Variants in EXD3 observed in about 807,000 individuals in gnomAD.
EXD3 encodes the protein exonuclease mut-7 homolog.
A neutral mutation model predicts 98.0 loss-of-function variants in EXD3; 92 were observed. The ratio of observed to expected loss-of-function variants is 0.94; its 90% CI spans 0.79 to 1.12. The LOEUF is 1.12. Among genes scored for constraint, EXD3 ranks in the 50% most tolerant of loss-of-function variants. EXD3 has a pLI of 0.00. For missense variants in EXD3, 1,222 were observed against 1,191.6 expected, an observed-to-expected ratio of 1.03 and a Z score of -0.38; for synonymous variants, 569 against 526.0, an observed-to-expected ratio of 1.08 and a Z score of -1.12.
intron 20 of EXD3, among the ~76,000 whole-genome samples, chr9:137,308,611 C>T (rs1831183121): frequency 6.6e-6 from 1 of 151,824 alleles, no homozygotes; most frequent in African/African-American, 2.4e-5. Flanking sequence ...TCCCCGTCCT[C>T]CCACCCTGAA....
chr9:137,382,730 G>C (rs758924854), intron 3 of EXD3, among the ~76,000 whole-genome samples: 1 of 151,976 alleles, frequency 6.6e-6, no homozygotes, highest in East Asian at 1.9e-4. Flanking sequence ...GTTGGAGGGC[G>C]TCCCCCGGAC....
rs1402801366 is a variant in EXD3, at chr9:137,403,389, C to T, written c.-47-7985G>A. Among the ~76,000 whole-genome samples, 2 of 152,030 alleles carry T rather than the reference C, an allele frequency of 1.3e-5. No individual in the cohort carries two copies. The highest frequency in any genetic ancestry group is 2.4e-5 in the African/African-American group (1 of 41,396). On this transcript the variant is annotated intron_variant, in intron 1 of 21. Coordinates refer to ENST00000340951, the MANE Select transcript of EXD3 (RefSeq NM_017820.5). The surrounding 1 kb of genome is among the most constrained non-coding windows in gnomAD (Gnocchi z 6.1). Reference sequence around the variant, plus strand: ...GGGGGCACAGGCAGGGAGCTGCAGACCCCGTTCCTCTGTAGCCCTCCCCAC... The same window carrying T: ...GGGGGCACAGGCAGGGAGCTGCAGATCCCGTTCCTCTGTAGCCCTCCCCAC...
intron 17 of EXD3, among the ~76,000 whole-genome samples, chr9:137,329,608 C>T (rs867155369): frequency 0.014 from 29 of 2,134 alleles, no homozygotes; most frequent in Admixed American, 0.027. Flanking sequence ...TACACGGGGT[C>T]ACACGGGACT....
At chr9:137,330,147 C>T (rs865871609) in intron 17 of EXD3, among the ~76,000 whole-genome samples, 2 of 96,308 alleles carry the variant, frequency 2.1e-5, no homozygotes, top group African/African-American at 4.4e-5. Flanking sequence ...GGAACTACAC[C>T]GGAGCTACAC....
intron 7 of EXD3, among the ~76,000 whole-genome samples, chr9:137,359,402 G>A (rs149775292): frequency 0.024 from 1,976 of 83,584 alleles, 586 homozygotes; most frequent in African/African-American, 0.062. Flanking sequence ...GCCAGGTGCG[G>A]TGGCTCACGC....
chr9:137,369,150 G>A (rs1374071505), intron 5 of EXD3, among the ~76,000 whole-genome samples: 5 of 148,282 alleles, frequency 3.4e-5, no homozygotes, highest in African/African-American at 7.5e-5. Context: ...GGGCCGGGGC[G>A]GGGCCTCAGG....
In EXD3 at chr9:137,407,805, CGGCTGGACCCAA is replaced by C. The variant is rs1159140823; in HGVS notation, c.-47-12413_-47-12402del. ...CAGGCATTCGAGGTCTTGGATGCGC[CGGCTGGACCCAA>C]GGACACACGCGGGAGGCGGGAGGCG... On this transcript the variant is annotated intron_variant, in intron 1 of 21. Coordinates refer to ENST00000340951, the MANE Select transcript of EXD3 (RefSeq NM_017820.5). This position sits in a 1 kb window ranked among gnomAD's most constrained non-coding sequence, Gnocchi z 4.4. Among the ~76,000 whole-genome samples, 1 of 150,496 alleles carries C rather than the reference CGGCTGGACCCAA, an allele frequency of 6.6e-6. No individual in the cohort carries two copies. The highest frequency in any genetic ancestry group is 1.5e-5 in the Non-Finnish European group (1 of 67,582).
At position 137,415,079 on chromosome 9, in the gene EXD3, G is replaced by A. The variant is rs186806980; in HGVS notation, c.-48+8035C>T. The stretch of plus-strand genomic sequence containing the variant: ...ATTTTTGTATTTTTAGTAGAGACGC[G>A]GTTTCATCATGTTGGCCAGGATGGT... On this transcript the variant is annotated intron_variant, in intron 1 of 21. Transcript: ENST00000340951. Among the ~76,000 whole-genome samples the A allele has an allele frequency of 2.6e-3, 395 of 152,102 alleles. 2 individuals are homozygous for A. Among genetic ancestry groups the A allele is most frequent in the African/African-American group, 9.3e-3 (388 of 41,500 alleles).
In EXD3 at chr9:137,367,952, T is replaced by C; in HGVS notation, c.500A>G (p.Glu167Gly). 1.9e-6 allele frequency: 3 copies of C among 1,612,024 alleles called. No homozygotes were observed. The highest frequency in any genetic ancestry group is 2.5e-6 in the Non-Finnish European group (3 of 1,179,710). ...TLGATLKLQS[E>G]LGVEKMSIPL... ...GACGTTCACCTTTTCAACGCCAAGC[T>C]CCGACTGCAGCTTCAACGTCGCGCC... Residue 167 changes from glutamate (E) to glycine (G), a missense_variant, in exon 6 of 22, where the codon GAG (glutamate) becomes GGG (glycine). Coordinates refer to ENST00000340951, the MANE Select transcript of EXD3 (RefSeq NM_017820.5).
In EXD3 at chr9:137,413,480, A is replaced by G. The variant is rs536904081; in HGVS notation, c.-48+9634T>C. Among the ~76,000 whole-genome samples, 902 of 149,498 alleles carry G rather than the reference A, an allele frequency of 6.0e-3. 11 individuals carry two copies. Among genetic ancestry groups the G allele is most frequent in the Middle Eastern group, 0.025 (7 of 282 alleles). ...CTCTCAAAGTGTTGGGATTACAGGC[A>G]TGAGCCACCGCGCCTGGCCTAGCTT... is the stretch of plus-strand genomic sequence containing the variant. On this transcript the variant is annotated intron_variant, in intron 1 of 21. Coordinates refer to ENST00000340951, the MANE Select transcript of EXD3 (RefSeq NM_017820.5).
rs916973880 is a variant in EXD3, at chr9:137,349,799, C to T, written c.1495-268G>A. Among the ~76,000 whole-genome samples the T allele has an allele frequency of 1.3e-5, 2 of 152,158 alleles. No individual in the cohort carries two copies. The highest frequency in any genetic ancestry group is 2.9e-5 in the Non-Finnish European group (2 of 68,010). On this transcript the variant is annotated intron_variant, in intron 14 of 21. Transcript: ENST00000340951. The surrounding 1 kb of genome is among the most constrained non-coding windows in gnomAD (Gnocchi z 7.4). ...GTAACCCCGCCCAGCCCCTCACAGC[C>T]TCAGAGAGCCCGGGCCCTGAGTCTG...
chr9:137,357,354 T>A (rs1394192073), intron 7 of EXD3: 3 of 152,202 alleles, frequency 2.0e-5, no homozygotes, highest in Non-Finnish European at 4.4e-5. Flanking sequence ...CTCTCCCTTC[T>A]TCCTGGAATC....
intron 1 of EXD3, among the ~76,000 whole-genome samples, chr9:137,410,345 C>T (rs1169755671): frequency 2.0e-5 from 3 of 151,792 alleles, no homozygotes; most frequent in Non-Finnish European, 2.9e-5. Context: ...ATTAGCCAGG[C>T]GCGGTGGTGG....
At chr9:137,309,762 C>A in intron 19 of EXD3, 62 bp from the exon 20 acceptor site, 1 of 1,282,704 alleles carries the variant, frequency 7.8e-7, no homozygotes, top group South Asian at 1.3e-5. Context: ...CATACCCCAG[C>A]CCTCTGCTCG....
chr9:137,394,934 G>A (rs1307447793), intron 2 of EXD3, among the ~76,000 whole-genome samples: 1 of 152,080 alleles, frequency 6.6e-6, no homozygotes. Context: ...CCCCAAGGGT[G>A]TTCCGGGCCC....
Position 137,393,345 on chromosome 9 carries a change from G to T in EXD3, c.55+1958C>A. On this transcript the variant is annotated intron_variant, in intron 2 of 21. Coordinates refer to ENST00000340951, the MANE Select transcript of EXD3 (RefSeq NM_017820.5). The surrounding 1 kb of genome is among the most constrained non-coding windows in gnomAD (Gnocchi z 4.6). The stretch of plus-strand genomic sequence containing the variant: ...TAACAGGGCCTCATCCCACACAGGT[G>T]CAGGCCCGGGGCCCGCAGATGGCCT... 1.5e-6 allele frequency: 1 copy of T among 676,660 alleles called. No homozygotes were observed. The highest frequency in any genetic ancestry group is 2.7e-6 in the Non-Finnish European group (1 of 370,008). The allele number at this position is 676,660 out of a possible 1,614,324, so 41.9% of individuals were successfully genotyped here.
chr9:137,309,650 C>G lies in EXD3; in HGVS notation c.2235G>C (p.Gln745His). 6.4e-7 allele frequency: 1 copy of G among 1,562,992 alleles called. No individual in the cohort carries two copies. Among genetic ancestry groups the G allele is most frequent in the Non-Finnish European group, 8.7e-7 (1 of 1,153,606 alleles). Reference protein sequence around the residue: ...YLKVSRDMMKQLMWLSSHQEG... With the variant: ...YLKVSRDMMKHLMWLSSHQEG... ...CCTGGTGACTGCTGAGCCACATGAG[C>G]TGCTTCATCATGTCCCTGGAGACCT... The change falls in exon 20 of 22, where the codon CAG becomes CAC. Residue 745 changes from glutamine (Q) to histidine (H), a missense_variant. Physicochemically the swap from Gln to His is conservative, Grantham distance 24. Transcript: ENST00000340951.
chr9:137,351,382 C>G lies in EXD3; in HGVS notation c.1320G>C (p.Gln440His), dbSNP rs756246616. 6.2e-7 allele frequency: 1 copy of G among 1,611,192 alleles called. No homozygotes were observed. Among genetic ancestry groups the G allele is most frequent in the South Asian group, 1.1e-5 (1 of 90,754 alleles). The change falls in exon 13 of 22, where the codon CAG becomes CAC. Residue 440 changes from glutamine (Q) to histidine (H), a missense_variant. Transcript: ENST00000340951. Reference sequence around the variant, plus strand: ...CCAGCCGGGAAAAGGCCTGGGCTCCCTGCCCTGTTGGTGGCTGCGAGAGTG... The same window carrying G: ...CCAGCCGGGAAAAGGCCTGGGCTCCGTGCCCTGTTGGTGGCTGCGAGAGTG... ...VLALSQPPTG[Q>H]GAQAFSRLVA...
In EXD3 at chr9:137,372,034, C is replaced by A. The variant is rs149661238; in HGVS notation, c.462+871G>T. On this transcript the variant is annotated intron_variant, in intron 5 of 21. Transcript: ENST00000340951. Reference sequence around the variant, plus strand: ...GCTAGACCTGGTCTTCCTCTTGGAACCTTCTGGGCTTAAAAATCAGCCTTG... The same window carrying A: ...GCTAGACCTGGTCTTCCTCTTGGAAACTTCTGGGCTTAAAAATCAGCCTTG... Among the ~76,000 whole-genome samples the A allele has an allele frequency of 2.9e-3, 443 of 152,290 alleles. 2 individuals are homozygous for A. Among genetic ancestry groups the A allele is most frequent in the African/African-American group, 0.01 (419 of 41,568 alleles).
Sources: gnomAD v4.1 joint callset for allele counts (sites outside exome capture counted in the v4.1 genomes callset) on GRCh38, gnomAD v4.1.1 for gene constraint, Gnocchi (gnomAD v3.1) non-coding constraint, MANE v1.5 for transcripts, NCBI Gene and HGNC (gene_info 2026-07-23, HGNC 2026-07-21) for gene names.